The following UTP4 variants were observed in gnomAD, a reference collection of about 807,000 sequenced individuals.
The protein encoded by UTP4 is UTP4 small subunit processome component.
Under a neutral mutation model 82.4 loss-of-function variants are expected in UTP4, and 45 were observed. The ratio of observed to expected loss-of-function variants is 0.55; its 90% CI spans 0.43 to 0.70. The LOEUF is 0.70. UTP4 is among the 30% of genes least tolerant of loss of function. The pLI, the probability that UTP4 is intolerant of heterozygous loss-of-function variation, is 0.00. For missense variants in UTP4, 819 were observed against 858.3 expected (o/e 0.95, Z 0.57); for synonymous variants, 348 against 300.3 (o/e 1.16, Z -1.64).
At chr16:69,157,035 C>T (rs151190988) in intron 11 of UTP4, 49 bp from the exon 12 acceptor site, 3 of 1,599,078 alleles carry the variant, frequency 1.9e-6, no homozygotes, top group Non-Finnish European at 2.6e-6. Flanking sequence ...TTCTGATGGG[C>T]TGTAGGTCTC....
At chr16:69,168,672 A>C in intron 16 of UTP4, 149 bp from the exon 17 acceptor site, 1 of 710,938 alleles carries the variant, frequency 1.4e-6, no homozygotes, top group East Asian at 2.5e-5. Flanking sequence ...TTTGAGTCCC[A>C]GGGCAGGAAA....
At chr16:69,162,729 AAAAC>A (rs1332143688) in intron 13 of UTP4, among the ~76,000 whole-genome samples, 15 of 151,366 alleles carry the variant, frequency 9.9e-5, no homozygotes, top group Non-Finnish European at 2.2e-4. Flanking sequence ...AAAAAAAAGA[AAAAC>A]AAAAAATTAG....
At chr16:69,150,439 G>A in intron 6 of UTP4, 98 bp from the exon 7 acceptor site, 1 of 1,338,900 alleles carries the variant, frequency 7.5e-7, no homozygotes, top group Non-Finnish European at 1.1e-6. Flanking sequence ...CTGGGCATAG[G>A]TTTACCCCTA....
rs1242208527 is a variant in UTP4 at position 69,139,662 on chromosome 16, A to AT, written c.437-162dup. The stretch of plus-strand genomic sequence containing the variant: ...CAAAAATAAATAAATAAATAAATAA[A>AT]TAAATAAATAAATAAATAAATAAAA... On this transcript the variant is annotated intron_variant, in intron 4 of 16. Transcript: ENST00000314423. 25 of 244,246 alleles carry AT rather than the reference A, an allele frequency of 1.0e-4. No homozygotes were observed. In the East Asian group the frequency reaches 2.1e-3, roughly 21 times the overall value. The allele number at this position is 244,246 out of a possible 1,614,324, so 15.1% of individuals were successfully genotyped here. A position where few individuals can be genotyped will look rare whatever the true frequency, so the allele number is the denominator to read the frequency against.
At position 69,136,972 on chromosome 16, in the gene UTP4, C is replaced by T. The variant is rs952238000; in HGVS notation, c.351+85C>T. The T allele has an allele frequency of 1.9e-5, 23 of 1,182,860 alleles. No individual in the cohort carries two copies. In the African/African-American group the frequency reaches 2.3e-4, roughly 12 times the overall value. The allele number at this position is 1,182,860 out of a possible 1,614,324, so 73.3% of individuals were successfully genotyped here. Reference sequence around the variant, plus strand: ...CTTCCCTGTGCTCATAGGAGAGTAACGATATATTATGGCATGTGGCAACCC... The same window carrying T: ...CTTCCCTGTGCTCATAGGAGAGTAATGATATATTATGGCATGTGGCAACCC... On this transcript the variant is annotated intron_variant, in intron 3 of 16. Coordinates refer to ENST00000314423, the MANE Select transcript of UTP4 (RefSeq NM_032830.3).
At chr16:69,140,943 T>C (rs1962943962) in intron 5 of UTP4, among the ~76,000 whole-genome samples, 1 of 146,236 alleles carries the variant, frequency 6.8e-6, no homozygotes, top group Non-Finnish European at 1.6e-5. Flanking sequence ...ATTATAACTT[T>C]GTTCAAATTA....
chr16:69,154,295 T>TA, intron 9 of UTP4, 98 bp from the exon 10 acceptor site: 1 of 941,672 alleles, frequency 1.1e-6, no homozygotes, highest in Non-Finnish European at 1.7e-6. Context: ...TTCCCACTGA[T>TA]AGAGATTCCA....
rs770495589 is a variant in UTP4, at chr16:69,133,550, T to A, written c.91T>A (p.Leu31Met). 1 of 1,613,986 alleles carries A rather than the reference T, an allele frequency of 6.2e-7. No individual in the cohort carries two copies. Among genetic ancestry groups the A allele is most frequent in the Non-Finnish European group, 8.5e-7 (1 of 1,179,858 alleles). ...CVAYNNQSNR[L>M]AVSRTDGTVE... ...GGCTTACAATAACCAGTCAAACAGA[T>A]TGGCTGTTTCACGAACAGATGGCAC... The change falls in exon 2 of 17, where the codon TTG becomes ATG. Residue 31 changes from leucine (L) to methionine (M), a missense_variant. Physicochemically the swap from Leu to Met is conservative, Grantham distance 15. Transcript: ENST00000314423.
chr16:69,164,591 T>TATATATATATATATATATATAG (rs1963650512), intron 14 of UTP4, among the ~76,000 whole-genome samples: 1 of 73,080 alleles, frequency 1.4e-5, no homozygotes, highest in African/African-American at 5.3e-5. Context: ...ATTCTTTATA[T>TATATATATATATATATATATAG]ATATATATAT....
intron 8 of UTP4, among the ~76,000 whole-genome samples, chr16:69,153,007 G>C (rs1963315737): frequency 6.6e-6 from 1 of 152,276 alleles, no homozygotes; most frequent in Non-Finnish European, 1.5e-5. Flanking sequence ...CATAAAGACA[G>C]TTTCCTTAGT....
intron 6 of UTP4, among the ~76,000 whole-genome samples, chr16:69,149,468 T>G (rs1963203429): frequency 6.6e-6 from 1 of 152,026 alleles, no homozygotes; most frequent in South Asian, 2.1e-4. Context: ...GAGAATCTCT[T>G]GAACCCGGGA....
At chr16:69,145,214 C>G (rs1156259218) in intron 6 of UTP4, among the ~76,000 whole-genome samples, 1 of 152,052 alleles carries the variant, frequency 6.6e-6, no homozygotes, top group African/African-American at 2.4e-5. Flanking sequence ...AGGAGAAGTC[C>G]TTGTCTTCCA....
chr16:69,154,880 C>T (rs1336819873), intron 10 of UTP4, among the ~76,000 whole-genome samples: 1 of 152,086 alleles, frequency 6.6e-6, no homozygotes, highest in African/African-American at 2.4e-5. Context: ...ATGCATGCGC[C>T]ACCACGCCCG....
chr16:69,133,101 C>A, intron 1 of UTP4: 1 of 311,032 alleles, frequency 3.2e-6, no homozygotes, highest in Non-Finnish European at 6.2e-6. Context: ...CCTGCCCCAT[C>A]AGCCTCACTG....
intron 2 of UTP4, among the ~76,000 whole-genome samples, chr16:69,136,428 C>CTG (rs1213959892): frequency 6.6e-6 from 1 of 152,218 alleles, no homozygotes; most frequent in African/African-American, 2.4e-5. Context: ...GTGTCTCACT[C>CTG]TGTCGTCCAG....
rs777102260 is a variant in UTP4 at position 69,143,227 on chromosome 16, T to G, written c.576T>G (p.Ser192=). 6 of 1,614,128 alleles carry G rather than the reference T, an allele frequency of 3.7e-6. No homozygotes were observed. The African/African-American group carries it at 5.3e-5, about 14-fold the overall frequency. ...MIVDRQYMGV[S]KRKCIVWGVA... ...TGGACAGGCAGTATATGGGCGTGTC[T>G]AAGCGGAAGTGCATCGTGTGGGGTG... is the stretch of plus-strand genomic sequence containing the variant. Residue 192 remains serine, a synonymous_variant, in exon 6 of 17, where the codon TCT becomes TCG. Coordinates refer to ENST00000314423, the MANE Select transcript of UTP4 (RefSeq NM_032830.3).
At chr16:69,139,708 T>TA in intron 4 of UTP4, 117 bp from the exon 5 acceptor site, 1 of 720,078 alleles carries the variant, frequency 1.4e-6, no homozygotes, top group Non-Finnish European at 2.6e-6. Context: ...AGGAGTACTA[T>TA]AGATGAGAGA....
chr16:69,153,814 C>T (rs1963340887), intron 9 of UTP4, 134 bp downstream of exon 9: 2 of 713,088 alleles, frequency 2.8e-6, no homozygotes, highest in African/African-American at 3.5e-5. Context: ...GTTTTCCCAC[C>T]CATTAGATAA....
intron 2 of UTP4, among the ~76,000 whole-genome samples, 175 bp downstream of exon 2, chr16:69,133,793 T>C (rs1483840591): frequency 1.3e-5 from 2 of 152,180 alleles, no homozygotes; most frequent in African/African-American, 4.8e-5. Flanking sequence ...TCAGTTTCAA[T>C]CTGTGTAATG....
Sources: gnomAD v4.1 joint callset for allele counts (sites outside exome capture counted in the v4.1 genomes callset) on GRCh38, gnomAD v4.1.1 for gene constraint, MANE v1.5 for transcripts, NCBI Gene and HGNC (gene_info 2026-07-23, HGNC 2026-07-21) for gene names.